The following ACTR3B variants were observed in gnomAD, a reference collection of about 807,000 sequenced individuals.
The protein encoded by ACTR3B is actin-related protein 3B.
In ACTR3B, 8 loss-of-function variants were observed where a neutral mutation model predicts 59.0. The observed-to-expected ratio is 0.14, with a 90% CI of 0.08 to 0.24. The LOEUF (loss-of-function observed/expected upper bound fraction) is 0.24. Among genes scored for constraint, ACTR3B ranks in the 10% least tolerant of loss-of-function variants. The pLI is 1.00. For synonymous variants in ACTR3B, 148 were observed against 197.9 expected, an observed-to-expected ratio of 0.75 and a Z score of 2.12; for missense variants, 245 against 552.3, an observed-to-expected ratio of 0.44 and a Z score of 5.58.
chr7:152,854,765 G>A lies in ACTR3B; in HGVS notation c.*212G>A, dbSNP rs1799131291. 2 of 526,912 alleles carry A rather than the reference G, an allele frequency of 3.8e-6. No homozygotes were observed. The highest frequency in any genetic ancestry group is 6.8e-6 in the Non-Finnish European group (2 of 294,272). The allele number at this position is 526,912 out of a possible 1,614,324, so 32.6% of individuals were successfully genotyped here. On this transcript the variant is annotated 3_prime_UTR_variant, in exon 12 of 12. Coordinates refer to ENST00000256001, the MANE Select transcript of ACTR3B (RefSeq NM_020445.6). The surrounding 1 kb of genome is among the most constrained non-coding windows in gnomAD (Gnocchi z 4.9). ...TGTCTGCCAGCCTCCTCCTTCTCCC[G>A]CCCTCCTCACCCTCGCTCTCCCTCC... is the stretch of plus-strand genomic sequence containing the variant.
chr7:152,761,443 A>G (rs2098088965), intron 1 of ACTR3B, among the ~76,000 whole-genome samples: 1 of 152,228 alleles, frequency 6.6e-6, no homozygotes, highest in Non-Finnish European at 1.5e-5. Context: ...GGTAGTAGCA[A>G]TAAAATAATG....
rs552285514 is a variant in ACTR3B at position 152,785,249 on chromosome 7, C to G, written c.100+2007C>G. ...TTATTATCAGGATTTCATTCACTGT[C>G]AAAAAGCAGGAGAGCTCTCAGGCTG... is the stretch of plus-strand genomic sequence containing the variant. On this transcript the variant is annotated intron_variant, in intron 2 of 11. Transcript: ENST00000256001. 1.1e-4 allele frequency among the ~76,000 whole-genome samples: 16 copies of G among 149,900 alleles called. No individual in the cohort carries two copies. The East Asian group carries it at 2.9e-3, about 28-fold the overall frequency.
At chr7:152,822,892 G>A (rs1312623489) in intron 7 of ACTR3B, among the ~76,000 whole-genome samples, 4 of 152,226 alleles carry the variant, frequency 2.6e-5, no homozygotes, top group African/African-American at 4.8e-5. Context: ...GGGACCCAAA[G>A]AAGCCGCTGC....
At position 152,829,756 on chromosome 7, in the gene ACTR3B, C is replaced by G. The variant is rs574405039; in HGVS notation, c.951+4634C>G. ...CCAGGTGACTCTAATGTGCTTCTAA[C>G]TTGAGGACCGCCATCAGCGCCAGCC... On this transcript the variant is annotated intron_variant, in intron 9 of 11. Coordinates refer to ENST00000256001, the MANE Select transcript of ACTR3B (RefSeq NM_020445.6). Among the ~76,000 whole-genome samples the G allele has an allele frequency of 2.0e-5, 3 of 152,300 alleles. No individual in the cohort carries two copies. The South Asian group carries it at 6.2e-4, about 32-fold the overall frequency.
At chr7:152,831,382 A>G (rs899425483) in intron 9 of ACTR3B, among the ~76,000 whole-genome samples, 1 of 152,138 alleles carries the variant, frequency 6.6e-6, no homozygotes, top group Admixed American at 6.5e-5. Context: ...GAGAGCCGCA[A>G]GAGCCCAGGG....
At chr7:152,840,424 G>T (rs868270635) in intron 9 of ACTR3B, among the ~76,000 whole-genome samples, 560 of 151,906 alleles carry the variant, frequency 3.7e-3, no homozygotes, top group African/African-American at 0.013. Context: ...CGAGCGGCCT[G>T]GTGATGTCTT....
At position 152,790,083 on chromosome 7, in the gene ACTR3B, T is replaced by C. The variant is rs894417635; in HGVS notation, c.100+6841T>C. Among the ~76,000 whole-genome samples the C allele has an allele frequency of 3.3e-5, 5 of 151,322 alleles. No homozygotes were observed. In the East Asian group the frequency reaches 5.8e-4, roughly 18 times the overall value. ...TCATGACTCACTGCAGCCTTGACTT[T>C]CCAGGTTCAAGAGATCCTCCCACCT... is the stretch of plus-strand genomic sequence containing the variant. On this transcript the variant is annotated intron_variant, in intron 2 of 11. Coordinates refer to ENST00000256001, the MANE Select transcript of ACTR3B (RefSeq NM_020445.6).
At chr7:152,792,760 AAAAAAC>A (rs1348286186) in intron 2 of ACTR3B, among the ~76,000 whole-genome samples, 31 of 152,126 alleles carry the variant, frequency 2.0e-4, no homozygotes, top group African/African-American at 6.5e-4. Flanking sequence ...AAACAAACCA[AAAAAAC>A]AAAAACAAAA....
chr7:152,761,927 G>A (rs2098090587), intron 1 of ACTR3B, among the ~76,000 whole-genome samples: 1 of 152,150 alleles, frequency 6.6e-6, no homozygotes, highest in African/African-American at 2.4e-5. Flanking sequence ...CCGCACATTC[G>A]ACCTTAGTCT....
chr7:152,767,649 A>G (rs577440989), intron 1 of ACTR3B, among the ~76,000 whole-genome samples: 2 of 152,328 alleles, frequency 1.3e-5, no homozygotes, highest in South Asian at 4.1e-4. Flanking sequence ...CATTAGTTCA[A>G]GTCTATTTTG....
At chr7:152,844,172 C>T (rs1798085164) in intron 9 of ACTR3B, among the ~76,000 whole-genome samples, 1 of 152,158 alleles carries the variant, frequency 6.6e-6, no homozygotes, top group Non-Finnish European at 1.5e-5. Flanking sequence ...ATTCTCCTGC[C>T]TCAGCCTCCT....
intron 9 of ACTR3B, among the ~76,000 whole-genome samples, chr7:152,847,646 A>G (rs1798458490): frequency 6.6e-6 from 1 of 152,204 alleles, no homozygotes; most frequent in Non-Finnish European, 1.5e-5. Context: ...TCAGGGCGGC[A>G]GAAGAGCGCA....
chr7:152,835,376 A>G (rs1410904768), intron 9 of ACTR3B, among the ~76,000 whole-genome samples: 1 of 152,222 alleles, frequency 6.6e-6, no homozygotes, highest in Admixed American at 6.5e-5. Context: ...GTTTCGGACC[A>G]TCCCAGTGAA....
At chr7:152,829,159 A>G (rs190545758) in intron 9 of ACTR3B, among the ~76,000 whole-genome samples, 27 of 152,136 alleles carry the variant, frequency 1.8e-4, no homozygotes, top group African/African-American at 6.3e-4. Flanking sequence ...GCTTACCACA[A>G]TCAAGCTAAT....
chr7:152,813,520 T>G (rs1389295350), intron 4 of ACTR3B: 1 of 126,838 alleles, frequency 7.9e-6, no homozygotes, highest in Non-Finnish European at 1.8e-5. Flanking sequence ...GTTTCAATAT[T>G]TTTCCAGATA....
chr7:152,781,591 G>T (rs1431260130), intron 1 of ACTR3B, among the ~76,000 whole-genome samples: 1 of 152,218 alleles, frequency 6.6e-6, no homozygotes, highest in Non-Finnish European at 1.5e-5. Context: ...GCTTGTTAAA[G>T]ACACAGATTT....
At chr7:152,846,316 T>C (rs1018293294) in intron 9 of ACTR3B, among the ~76,000 whole-genome samples, 12 of 143,726 alleles carry the variant, frequency 8.3e-5, no homozygotes, top group Middle Eastern at 4.2e-3. Context: ...GGCTGCAGTC[T>C]GCAGTGAGCT....
At chr7:152,852,295 C>A in intron 10 of ACTR3B, 44 bp downstream of exon 10, 1 of 1,554,636 alleles carries the variant, frequency 6.4e-7, no homozygotes. Flanking sequence ...GCTATTGCCC[C>A]AGGCCTGACC....
intron 6 of ACTR3B, among the ~76,000 whole-genome samples, chr7:152,818,025 A>G (rs1378936870): frequency 6.6e-6 from 1 of 152,076 alleles, no homozygotes; most frequent in African/African-American, 2.4e-5. Flanking sequence ...AGTGTGCTCT[A>G]GACTTGAGCC....
Sources: allele counts gnomAD v4.1 joint callset (sites outside exome capture counted in the v4.1 genomes callset), GRCh38; gene constraint gnomAD v4.1.1; non-coding constraint Gnocchi (gnomAD v3.1); transcripts MANE v1.5; gene names NCBI Gene and HGNC (gene_info 2026-07-23, HGNC 2026-07-21).